Variants in ABTB3 observed in about 807,000 individuals in gnomAD.
ABTB3 encodes the protein ankyrin repeat- and BTB/POZ domain-containing protein 3.
the ABTB3 span, among the ~76,000 whole-genome samples, chr12:107,320,933 C>A: frequency 6.6e-6 from 1 of 152,130 alleles, no homozygotes; most frequent in Admixed American, 6.5e-5. Flanking sequence ...TCTCTTCATG[C>A]CCCACTGTTT....
chr12:107,517,974 C>T, the ABTB3 span, among the ~76,000 whole-genome samples: 7 of 152,166 alleles, frequency 4.6e-5, no homozygotes, highest in Non-Finnish European at 1.5e-5. Context: ...AGACACTTCT[C>T]AAAAGAAGAC....
the ABTB3 span, among the ~76,000 whole-genome samples, chr12:107,448,664 C>T: frequency 6.7e-6 from 1 of 149,094 alleles, no homozygotes; most frequent in Non-Finnish European, 1.5e-5. Context: ...TTTTGAGGTG[C>T]AGTCTCAGCT....
chr12:107,640,386 A>G, the ABTB3 span: 13 of 1,594,824 alleles, frequency 8.2e-6, no homozygotes, highest in Non-Finnish European at 1.0e-5. Flanking sequence ...TATGCTCACA[A>G]AGTGCTGTTA....
the ABTB3 span, among the ~76,000 whole-genome samples, chr12:107,606,400 C>T: frequency 4.6e-5 from 7 of 152,268 alleles, no homozygotes; most frequent in East Asian, 1.9e-4. Flanking sequence ...TCAAGTACCT[C>T]GATAGCTGGT....
chr12:107,573,550 A>G, the ABTB3 span, among the ~76,000 whole-genome samples: 1 of 152,100 alleles, frequency 6.6e-6, no homozygotes, highest in East Asian at 1.9e-4. Flanking sequence ...AGACAGATAG[A>G]CAGATTGATC....
chr12:107,547,555 G>GT, the ABTB3 span, among the ~76,000 whole-genome samples: 1 of 152,204 alleles, frequency 6.6e-6, no homozygotes, highest in African/African-American at 2.4e-5. Flanking sequence ...AAGAGAACAT[G>GT]TCCCAGAATT....
the ABTB3 span, among the ~76,000 whole-genome samples, chr12:107,443,049 T>A: frequency 6.6e-6 from 1 of 152,024 alleles, no homozygotes; most frequent in African/African-American, 2.4e-5. Context: ...CTAATCCCCT[T>A]CATGAGGGCT....
chr12:107,453,852 GTAAAACC>G, the ABTB3 span, among the ~76,000 whole-genome samples: 1 of 152,128 alleles, frequency 6.6e-6, no homozygotes, highest in African/African-American at 2.4e-5. Context: ...AATTTTGAAA[GTAAAACC>G]CTGGGAATTT....
the ABTB3 span, chr12:107,544,147 C>CTGCCT: frequency 2.2e-5 from 35 of 1,612,598 alleles, no homozygotes; most frequent in African/African-American, 1.1e-4. Context: ...AAGGTAAGAA[C>CTGCCT]TGCCTTGCCT....
At chr12:107,399,985 G>A in the ABTB3 span, among the ~76,000 whole-genome samples, 1 of 152,158 alleles carries the variant, frequency 6.6e-6, no homozygotes, top group African/African-American at 2.4e-5. Flanking sequence ...ATGGTTTCCA[G>A]CTTCATCCAT....
At chr12:107,370,401 C>G in the ABTB3 span, among the ~76,000 whole-genome samples, 2 of 152,232 alleles carry the variant, frequency 1.3e-5, no homozygotes, top group Non-Finnish European at 2.9e-5. Flanking sequence ...AGCCAATCAG[C>G]CCCACAGGCT....
At chr12:107,643,214 T>A in the ABTB3 span, among the ~76,000 whole-genome samples, 48 of 152,082 alleles carry the variant, frequency 3.2e-4, 1 homozygote, top group East Asian at 7.2e-3. Flanking sequence ...TAGACCAGCC[T>A]GAGCAACATG....
the ABTB3 span, among the ~76,000 whole-genome samples, chr12:107,653,333 G>A: frequency 1.3e-5 from 2 of 152,142 alleles, no homozygotes; most frequent in South Asian, 2.1e-4. Context: ...TGGCAAACAC[G>A]GTGAAACCCC....
chr12:107,536,841 T>C, the ABTB3 span, among the ~76,000 whole-genome samples: 1 of 152,134 alleles, frequency 6.6e-6, no homozygotes, highest in African/African-American at 2.4e-5. Flanking sequence ...AAACTAAAAA[T>C]AGAACTGCCA....
chr12:107,620,195 C>T, the ABTB3 span: 7 of 1,608,242 alleles, frequency 4.4e-6, no homozygotes, highest in Admixed American at 1.7e-5. Flanking sequence ...TTGTGGTCAT[C>T]GGCAGAGAAC....
the ABTB3 span, among the ~76,000 whole-genome samples, chr12:107,399,264 CT>C: frequency 6.6e-6 from 1 of 152,138 alleles, no homozygotes. Flanking sequence ...AAGAGTGATT[CT>C]TTTTTGAAGA....
chr12:107,581,086 A>G, the ABTB3 span: 1 of 1,545,220 alleles, frequency 6.5e-7, no homozygotes, highest in East Asian at 2.5e-5. Flanking sequence ...GGGTGGGGCC[A>G]AGCCGGCAGC....
At chr12:107,453,938 G>T in the ABTB3 span, among the ~76,000 whole-genome samples, 2 of 152,242 alleles carry the variant, frequency 1.3e-5, no homozygotes, top group East Asian at 1.9e-4. Flanking sequence ...CTGCTAGAGA[G>T]ATTGGGAGGA....
chr12:107,442,262 TAA>T, the ABTB3 span, among the ~76,000 whole-genome samples: 2 of 152,202 alleles, frequency 1.3e-5, no homozygotes, highest in Non-Finnish European at 2.9e-5. Context: ...TTTTTTCAAT[TAA>T]GCAAGAAGTT....
Sources: allele counts gnomAD v4.1 joint callset (sites outside exome capture counted in the v4.1 genomes callset), GRCh38; gene constraint gnomAD v4.1.1; transcripts MANE v1.5; gene names NCBI Gene and HGNC (gene_info 2026-07-23, HGNC 2026-07-21).